The following EYA2 variants were observed in gnomAD, a reference collection of about 807,000 sequenced individuals.
EYA2 encodes protein phosphatase EYA2.
In EYA2, 31 loss-of-function variants were observed where a neutral mutation model predicts 69.2. That is an observed-to-expected ratio of 0.45 (90% CI 0.34 to 0.60). The LOEUF is 0.60. Ranked by LOEUF, EYA2 falls within the 20% of genes least tolerant of loss-of-function variation. EYA2 has a pLI of 0.02. For missense variants in EYA2, 622 were observed against 701.2 expected (o/e 0.89, Z 1.28); for synonymous variants, 257 against 279.4 (o/e 0.92, Z 0.80).
At chr20:46,946,338 C>T (rs532350434) in intron 1 of EYA2, among the ~76,000 whole-genome samples, 1 of 152,288 alleles carries the variant, frequency 6.6e-6, no homozygotes, top group South Asian at 2.1e-4. Context: ...TTATGGAGCA[C>T]GTTTTAGCTG....
intron 10 of EYA2, among the ~76,000 whole-genome samples, chr20:47,168,114 G>A (rs2034242364): frequency 6.6e-6 from 1 of 152,172 alleles, no homozygotes; most frequent in Non-Finnish European, 1.5e-5. Context: ...CATCCTTGAA[G>A]CAATCACTGT....
At chr20:47,063,795 CTG>C (rs2031003138) in intron 5 of EYA2, among the ~76,000 whole-genome samples, 1 of 152,216 alleles carries the variant, frequency 6.6e-6, no homozygotes, top group Non-Finnish European at 1.5e-5. Context: ...CCGGAAAACT[CTG>C]TAACCAGGAC....
At chr20:47,103,785 G>A (rs976756473) in intron 9 of EYA2, among the ~76,000 whole-genome samples, 3 of 152,156 alleles carry the variant, frequency 2.0e-5, no homozygotes, top group Non-Finnish European at 4.4e-5. Context: ...ATGAGATTTG[G>A]GTGGGGACAC....
chr20:46,936,649 TG>T (rs1450589330), intron 1 of EYA2, among the ~76,000 whole-genome samples: 19 of 152,232 alleles, frequency 1.2e-4, no homozygotes, highest in African/African-American at 3.6e-4. Flanking sequence ...TAAATATTGC[TG>T]TTATTAATAT....
intron 2 of EYA2, among the ~76,000 whole-genome samples, chr20:46,990,758 C>T (rs1396149225): frequency 6.6e-6 from 1 of 152,204 alleles, no homozygotes; most frequent in African/African-American, 2.4e-5. Context: ...TTGGGCTTAA[C>T]CCTTTCTTTG....
rs866660191 is a variant in EYA2, at chr20:46,908,867, G to A, written c.-11+13880G>A. 1.2e-4 allele frequency among the ~76,000 whole-genome samples: 10 copies of A among 82,624 alleles called. No individual in the cohort carries two copies. The South Asian group carries it at 1.7e-3, about 14-fold the overall frequency. The allele number at this position is 82,624 out of a possible 152,430, so 54.2% of individuals were successfully genotyped here. ...TGAAAAGGCACTAAGCCTCTCTCCC[G>A]CACTTTTTTTTTTTTTTTTTTTTTT... On this transcript the variant is annotated intron_variant, in intron 1 of 15. Transcript: ENST00000327619.
intron 1 of EYA2, among the ~76,000 whole-genome samples, chr20:46,915,264 A>G (rs2146229502): frequency 6.6e-6 from 1 of 152,194 alleles, no homozygotes; most frequent in East Asian, 1.9e-4. Flanking sequence ...TGTTTTTTTA[A>G]AAAACACGCC....
At chr20:46,984,259 T>A (rs955374094) in intron 1 of EYA2, among the ~76,000 whole-genome samples, 4 of 152,122 alleles carry the variant, frequency 2.6e-5, no homozygotes, top group Admixed American at 2.6e-4. Context: ...GGATTTTTTG[T>A]TCTACAAAAG....
intron 5 of EYA2, among the ~76,000 whole-genome samples, chr20:47,036,812 A>G (rs981967875): frequency 6.6e-6 from 1 of 152,222 alleles, no homozygotes; most frequent in Non-Finnish European, 1.5e-5. Context: ...CACTGAACTC[A>G]GATCGCCTAA....
At chr20:46,959,710 G>A (rs1229578807) in intron 1 of EYA2, among the ~76,000 whole-genome samples, 2 of 152,220 alleles carry the variant, frequency 1.3e-5, no homozygotes, top group South Asian at 2.1e-4. Flanking sequence ...TTATGAAACT[G>A]ACAGAGAATA....
intron 5 of EYA2, among the ~76,000 whole-genome samples, chr20:47,046,353 C>G (rs2030036664): frequency 6.6e-6 from 1 of 152,218 alleles, no homozygotes. Context: ...TGAGCTTGAT[C>G]ACTGTGAGAC....
chr20:47,176,796 CTTT>C (rs11470269), intron 12 of EYA2, among the ~76,000 whole-genome samples: 43 of 146,922 alleles, frequency 2.9e-4, no homozygotes, highest in Non-Finnish European at 4.7e-4. Context: ...ATCCTTCTTT[CTTT>C]TTTTTTTTTT....
chr20:46,933,515 C>T (rs1985761537), intron 1 of EYA2, among the ~76,000 whole-genome samples: 1 of 152,174 alleles, frequency 6.6e-6, no homozygotes, highest in South Asian at 2.1e-4. Context: ...ACAGGGTGAC[C>T]CCAAACTGGA....
In EYA2 at chr20:47,035,268, T is replaced by A. The variant is rs531672064; in HGVS notation, c.415+18971T>A. ...CAGCTGGCTTGTATTAGTCTCAGTC[T>A]GAGACGGTGGCGGCAAAGATGGTCT... On this transcript the variant is annotated intron_variant, in intron 5 of 15. Coordinates refer to ENST00000327619, the MANE Select transcript of EYA2 (RefSeq NM_005244.5). 4.6e-5 allele frequency among the ~76,000 whole-genome samples: 7 copies of A among 152,306 alleles called. No individual in the cohort carries two copies. In the East Asian group the frequency reaches 9.6e-4, roughly 21 times the overall value.
chr20:46,995,202 G>A (rs1014179202), intron 2 of EYA2, among the ~76,000 whole-genome samples: 3 of 152,172 alleles, frequency 2.0e-5, no homozygotes, highest in Non-Finnish European at 4.4e-5. Flanking sequence ...TGCCTGGCCT[G>A]TTGTTTCTTT....
chr20:47,088,239 ATAAAAAT>A (rs2031958183), intron 7 of EYA2, among the ~76,000 whole-genome samples: 1 of 152,228 alleles, frequency 6.6e-6, no homozygotes, highest in South Asian at 2.1e-4. Flanking sequence ...GTCTCAAAAA[ATAAAAAT>A]TAAAATAAAA....
intron 10 of EYA2, among the ~76,000 whole-genome samples, chr20:47,167,537 G>C (rs539097151): frequency 6.6e-6 from 1 of 152,182 alleles, no homozygotes; most frequent in African/African-American, 2.4e-5. Flanking sequence ...ACCCGCCTCA[G>C]CCTCCCAAAA....
chr20:47,186,892 A>G (rs187896655), intron 15 of EYA2, among the ~76,000 whole-genome samples: 28 of 152,296 alleles, frequency 1.8e-4, no homozygotes, highest in African/African-American at 6.3e-4. Context: ...GCACATATAT[A>G]TACAATTTGT....
At chr20:47,071,383 C>A (rs1257306227) in intron 5 of EYA2, among the ~76,000 whole-genome samples, 1 of 152,154 alleles carries the variant, frequency 6.6e-6, no homozygotes, top group Non-Finnish European at 1.5e-5. Flanking sequence ...ATCAAGAAGA[C>A]TGAAACTACC....
Sources: gnomAD v4.1 joint callset for allele counts (sites outside exome capture counted in the v4.1 genomes callset) on GRCh38, gnomAD v4.1.1 for gene constraint, MANE v1.5 for transcripts, NCBI Gene and HGNC (gene_info 2026-07-23, HGNC 2026-07-21) for gene names.